FFAR4: variants seen among roughly 807,000 people sequenced by gnomAD.
The protein encoded by FFAR4 is free fatty acid receptor 4.
FFAR4 carries 19 observed loss-of-function variants against 27.0 expected under a neutral mutation model. That is an observed-to-expected ratio of 0.70 (90% CI 0.49 to 1.03). The LOEUF is 1.03. Among genes scored for constraint, FFAR4 ranks in the 50% least tolerant of loss-of-function variants. FFAR4 has a pLI of 0.00. For synonymous variants in FFAR4, 254 were observed against 215.6 expected, an observed-to-expected ratio of 1.18 and a Z score of -1.56; for missense variants, 476 against 479.0, an observed-to-expected ratio of 0.99 and a Z score of 0.06.
intron 1 of FFAR4, among the ~76,000 whole-genome samples, chr10:93,574,335 C>T (rs2058149925): frequency 6.6e-6 from 1 of 152,188 alleles, no homozygotes; most frequent in Admixed American, 6.5e-5. Context: ...TTAAGAAAAG[C>T]TTCTGTGTGT....
At chr10:93,574,685 G>A (rs966178215) in intron 1 of FFAR4, among the ~76,000 whole-genome samples, 8 of 151,810 alleles carry the variant, frequency 5.3e-5, no homozygotes, top group African/African-American at 1.9e-4. Flanking sequence ...TCAGGAGATC[G>A]AGACCATTCT....
At chr10:93,579,247 T>C (rs374660880) in intron 2 of FFAR4, 3 of 1,545,922 alleles carry the variant, frequency 1.9e-6, no homozygotes, top group African/African-American at 1.4e-5. Flanking sequence ...AGAGCAAATA[T>C]GTAATTTACA....
intron 2 of FFAR4, among the ~76,000 whole-genome samples, chr10:93,578,416 CAAAAAAAAAAAAAAA>C (rs762326870): frequency 1.7e-5 from 1 of 60,200 alleles, no homozygotes; most frequent in African/African-American, 6.0e-5. Context: ...GATTCCCTCT[CAAAAAAAAAAAAAAA>C]AAAAAAAAAA....
intron 1 of FFAR4, among the ~76,000 whole-genome samples, chr10:93,568,159 C>T (rs572561416): frequency 1.2e-3 from 177 of 152,174 alleles, no homozygotes; most frequent in Non-Finnish European, 2.0e-3. Context: ...TTTCTCTTGC[C>T]GCTTTGCCCG....
At chr10:93,585,867 C>T (rs925616406) in intron 2 of FFAR4, among the ~76,000 whole-genome samples, 3 of 152,202 alleles carry the variant, frequency 2.0e-5, no homozygotes, top group Non-Finnish European at 2.9e-5. Context: ...CAGGTTGGCT[C>T]CTGACAGAAG....
rs865928617 is a variant in FFAR4, at chr10:93,567,162, C to T, written c.442C>T (p.Arg148Trp). The T allele has an allele frequency of 1.9e-6, 3 of 1,604,268 alleles. No individual in the cohort carries two copies. Among genetic ancestry groups the T allele is most frequent in the Non-Finnish European group, 1.7e-6 (2 of 1,178,436 alleles). Residue 148 changes from arginine to tryptophan, a missense_variant, in exon 1 of 3, where the codon CGG (arginine) becomes TGG (tryptophan). Transcript: ENST00000371481. ...VCIVHLQRGV[R>W]GPGRRARAVL... ...CATCGTGCACCTGCAGCGCGGCGTGCGGGGTCCTGGGCGGCGGGCGCGGGC... is the reference window on the plus strand; with the variant it reads ...CATCGTGCACCTGCAGCGCGGCGTGTGGGGTCCTGGGCGGCGGGCGCGGGC...
chr10:93,576,746 TCTAA>T (rs2058166443), intron 2 of FFAR4, among the ~76,000 whole-genome samples: 1 of 152,240 alleles, frequency 6.6e-6, no homozygotes, highest in Non-Finnish European at 1.5e-5. Flanking sequence ...TTCCTATATC[TCTAA>T]CTCATTATTT....
At chr10:93,574,610 C>T (rs1044145573) in intron 1 of FFAR4, among the ~76,000 whole-genome samples, 2 of 152,014 alleles carry the variant, frequency 1.3e-5, no homozygotes, top group African/African-American at 4.8e-5. Flanking sequence ...GGTTTCTGGC[C>T]GGGCATGGTG....
intron 2 of FFAR4, among the ~76,000 whole-genome samples, chr10:93,578,246 G>A (rs1316783380): frequency 6.6e-6 from 1 of 151,734 alleles, no homozygotes; most frequent in Non-Finnish European, 1.5e-5. Flanking sequence ...GTGAAAGCCC[G>A]TCTCTACTAA....
chr10:93,573,230 C>T (rs540941362), intron 1 of FFAR4, among the ~76,000 whole-genome samples: 2 of 152,222 alleles, frequency 1.3e-5, no homozygotes, highest in South Asian at 2.1e-4. Context: ...TCAGCCACCA[C>T]GTCTGGAGTC....
intron 1 of FFAR4, 46 bp downstream of exon 1, chr10:93,567,333 G>T (rs1449605297): frequency 6.5e-7 from 1 of 1,545,030 alleles, no homozygotes; most frequent in East Asian, 2.3e-5. Flanking sequence ...TGCGCAGGCT[G>T]GGAAGCGGGG....
intron 1 of FFAR4, among the ~76,000 whole-genome samples, chr10:93,567,843 C>G (rs913253914): frequency 1.3e-5 from 2 of 152,072 alleles, no homozygotes; most frequent in African/African-American, 4.8e-5. Flanking sequence ...ATGTGAGACC[C>G]GGGGACCCCA....
At chr10:93,586,481 G>C (rs1169311647) in intron 2 of FFAR4, among the ~76,000 whole-genome samples, 1 of 152,138 alleles carries the variant, frequency 6.6e-6, no homozygotes, top group African/African-American at 2.4e-5. Flanking sequence ...GGAGAGAGGG[G>C]AAGAGTATGC....
chr10:93,579,752 T>C (rs1247337178), intron 2 of FFAR4, among the ~76,000 whole-genome samples: 1 of 152,138 alleles, frequency 6.6e-6, no homozygotes, highest in Non-Finnish European at 1.5e-5. Context: ...TTGAAAGGGG[T>C]CTACAGGGTC....
chr10:93,571,932 T>A lies in FFAR4; in HGVS notation c.568-4159T>A, dbSNP rs143485061. 2.2e-4 allele frequency among the ~76,000 whole-genome samples: 33 copies of A among 152,258 alleles called. No homozygotes were observed. In the East Asian group the frequency reaches 6.0e-3, roughly 28 times the overall value. On this transcript the variant is annotated intron_variant, in intron 1 of 2. Coordinates refer to ENST00000371481, the MANE Select transcript of FFAR4 (RefSeq NM_001195755.2). Reference sequence around the variant, plus strand: ...TAGGCAAACAGCTGGAACAAACAGCTAGAACTTATTTGCAAACAGGCAGTG... The same window carrying A: ...TAGGCAAACAGCTGGAACAAACAGCAAGAACTTATTTGCAAACAGGCAGTG...
intron 2 of FFAR4, among the ~76,000 whole-genome samples, chr10:93,584,322 G>T (rs1245797970): frequency 2.0e-5 from 3 of 152,182 alleles, no homozygotes; most frequent in Non-Finnish European, 4.4e-5. Flanking sequence ...TGAGACTTTT[G>T]TAATTTGTCT....
At chr10:93,574,799 C>T (rs199727612) in intron 1 of FFAR4, among the ~76,000 whole-genome samples, 38 of 151,764 alleles carry the variant, frequency 2.5e-4, no homozygotes, top group Admixed American at 2.2e-3. Context: ...GAGGCTGAGG[C>T]GAGGCAGGAG....
chr10:93,574,113 G>A (rs2058148188), intron 1 of FFAR4, among the ~76,000 whole-genome samples: 1 of 152,100 alleles, frequency 6.6e-6, no homozygotes, highest in African/African-American at 2.4e-5. Flanking sequence ...GCGTGTGTGT[G>A]TTGGATGGCC....
At chr10:93,576,493 C>A (rs1425913767) in intron 2 of FFAR4, among the ~76,000 whole-genome samples, 1 of 152,134 alleles carries the variant, frequency 6.6e-6, no homozygotes, top group African/African-American at 2.4e-5. Context: ...AACACAGAAA[C>A]TGAAAACTTA....
Sources: gnomAD v4.1 joint callset for allele counts (sites outside exome capture counted in the v4.1 genomes callset) on GRCh38, gnomAD v4.1.1 for gene constraint, MANE v1.5 for transcripts, NCBI Gene and HGNC (gene_info 2026-07-23, HGNC 2026-07-21) for gene names.